Variants in PCDH19 observed in about 807,000 individuals in gnomAD.
The protein encoded by PCDH19 is protocadherin-19.
In PCDH19, 6 loss-of-function variants were observed where a neutral mutation model predicts 46.2. The observed-to-expected ratio is 0.13, with a 90% confidence interval of 0.07 to 0.26. The LOEUF is 0.26. Among genes scored for constraint, PCDH19 ranks in the 10% least tolerant of loss-of-function variants. The pLI, the probability that PCDH19 is intolerant of heterozygous loss-of-function variation, is 1.00. For missense variants in PCDH19, 740 were observed against 972.3 expected, an observed-to-expected ratio of 0.76 and a Z score of 3.18; for synonymous variants, 481 against 415.7, an observed-to-expected ratio of 1.16 and a Z score of -1.91.
At chrX:100,320,724 G>T (rs1040829975) in intron 5 of PCDH19, among the ~76,000 whole-genome samples, 1 of 108,927 alleles carries the variant, frequency 9.2e-6, no homozygotes, top group Non-Finnish European at 1.9e-5. Context: ...AAGAAAAAAA[G>T]AAGCTAAAAA....
chrX:100,354,687 C>T (rs763176536), intron 3 of PCDH19, among the ~76,000 whole-genome samples: 1 of 106,348 alleles, frequency 9.4e-6, no homozygotes, highest in African/African-American at 3.4e-5. Context: ...AATACAAGAG[C>T]TTTTTTTTTT....
intron 5 of PCDH19, among the ~76,000 whole-genome samples, chrX:100,307,369 C>A (rs1265082303): frequency 1.8e-5 from 2 of 111,584 alleles, no homozygotes; most frequent in East Asian, 5.6e-4. Flanking sequence ...AAACCCTCAG[C>A]AAAATCAGCA....
chrX:100,362,409 T>C (rs1314830708), intron 3 of PCDH19, among the ~76,000 whole-genome samples: 2 of 110,876 alleles, frequency 1.8e-5, no homozygotes, highest in Non-Finnish European at 3.8e-5. Context: ...GTATATTATA[T>C]ATAATTTTTG....
chrX:100,407,939 C>A lies in PCDH19; in HGVS notation c.659G>T (p.Gly220Val). Reference sequence around the variant, plus strand: ...CACCTTGATACTAAGGCCAACGGTGCCCAGGCGCGGCGGGTCGCCACCGTC... The same window carrying A: ...CACCTTGATACTAAGGCCAACGGTGACCAGGCGCGGCGGGTCGCCACCGTC... Reference protein sequence around the residue: ...ALDGGDPPRLGTVGLSIKVTD... With the variant: ...ALDGGDPPRLVTVGLSIKVTD... The change falls in exon 1 of 6, where the codon GGC (glycine) becomes GTC (valine). Residue 220 changes from glycine (G) to valine (V), a missense_variant. Gly to Val is a moderately radical substitution (Grantham distance 109). Coordinates refer to ENST00000373034, the MANE Select transcript of PCDH19 (RefSeq NM_001184880.2). 6.6e-6 allele frequency: 8 copies of A among 1,210,915 alleles called. No homozygotes were observed. Among genetic ancestry groups the A allele is most frequent in the Non-Finnish European group, 7.8e-6 (7 of 895,647 alleles).
intron 4 of PCDH19, among the ~76,000 whole-genome samples, chrX:100,342,492 A>T (rs1042440377): frequency 1.8e-5 from 2 of 112,214 alleles, no homozygotes; most frequent in African/African-American, 6.5e-5. Context: ...AACTGTTGAA[A>T]TCATCACAAC....
intron 5 of PCDH19, among the ~76,000 whole-genome samples, chrX:100,317,242 G>A (rs917351833): frequency 4.5e-5 from 5 of 111,781 alleles, no homozygotes. Context: ...CCCATTAGAC[G>A]ATACTTAAGT....
chrX:100,308,510 A>G (rs1294744157), intron 5 of PCDH19, among the ~76,000 whole-genome samples: 4 of 111,894 alleles, frequency 3.6e-5, no homozygotes, highest in African/African-American at 1.3e-4. Flanking sequence ...AAAAGCAAAC[A>G]CAGCAAAAAC....
Position 100,406,665 on chromosome X carries a change from G to A in PCDH19, c.1933C>T (p.His645Tyr), listed in dbSNP as rs1357059840. The A allele has an allele frequency of 3.3e-6, 4 of 1,211,358 alleles. No individual in the cohort carries two copies. Among genetic ancestry groups the A allele is most frequent in the Non-Finnish European group, 4.5e-6 (4 of 895,166 alleles). ...KSSYELIVVA[H>Y]DHGKTSLSAS... ...GAGAGAGATGTCTTGCCGTGGTCGT[G>A]AGCCACCACGATAAGCTCATAGGAG... is the stretch of plus-strand genomic sequence containing the variant. The change falls in exon 1 of 6, where the codon CAC (histidine) becomes TAC (tyrosine). Residue 645 changes from histidine (H) to tyrosine (Y), a missense_variant. Physicochemically the swap from His to Tyr is moderately conservative, Grantham distance 83. Coordinates refer to ENST00000373034, the MANE Select transcript of PCDH19 (RefSeq NM_001184880.2).
intron 5 of PCDH19, among the ~76,000 whole-genome samples, chrX:100,338,178 T>C (rs1442528470): frequency 9.2e-6 from 1 of 108,403 alleles, no homozygotes; most frequent in African/African-American, 3.4e-5. Flanking sequence ...CCGTCTCTAC[T>C]AAAAATACAA....
In PCDH19 at chrX:100,402,543, T is replaced by C. The variant is rs1471381848; in HGVS notation, c.2597A>G (p.Asn866Ser). 1 of 1,211,027 alleles carries C rather than the reference T, an allele frequency of 8.3e-7. No individual in the cohort carries two copies. The highest frequency in any genetic ancestry group is 2.2e-5 in the Admixed American group (1 of 46,062). The change falls in exon 3 of 6, where the codon AAC (asparagine) becomes AGC (serine). Residue 866 changes from asparagine (N) to serine (S), a missense_variant. Transcript: ENST00000373034. ...ACTCACCTCAGGCAGAGGCACACCG[T>C]TGATAATCAGGTCAGGCTGCTGGGG... ...QGPQQPDLII[N>S]GVPLPETENY...
At chrX:100,389,500 T>C (rs1407731169) in intron 3 of PCDH19, among the ~76,000 whole-genome samples, 1 of 110,822 alleles carries the variant, frequency 9.0e-6, no homozygotes, top group African/African-American at 3.3e-5. Flanking sequence ...AATACTGTAT[T>C]GTATTCCTGA....
At chrX:100,311,289 G>T (rs1366341562) in intron 5 of PCDH19, among the ~76,000 whole-genome samples, 1 of 111,655 alleles carries the variant, frequency 9.0e-6, no homozygotes, top group Non-Finnish European at 1.9e-5. Flanking sequence ...GAGCTTCTAG[G>T]AGAATACATA....
At chrX:100,349,067 G>A (rs779123899) in intron 4 of PCDH19, among the ~76,000 whole-genome samples, 8 of 110,926 alleles carry the variant, frequency 7.2e-5, no homozygotes, top group Non-Finnish European at 1.3e-4. Flanking sequence ...GAGCCACTGC[G>A]CCCAGCATCA....
Position 100,402,618 on chromosome X carries a change from C to G in PCDH19, c.2522G>C (p.Arg841Pro). The change falls in exon 3 of 6, where the codon CGC (arginine) becomes CCC (proline). Residue 841 changes from arginine (R) to proline (P), a missense_variant. Around this residue, in one of 5 missense-constraint regions of PCDH19, gnomAD observed 416 missense variants for 476.8 expected, o/e 0.87. Coordinates refer to ENST00000373034, the MANE Select transcript of PCDH19 (RefSeq NM_001184880.2). The stretch of plus-strand genomic sequence containing the variant: ...GTAGATGTGGTTAGCACTGGTGTTG[C>G]GGGTATTCTGGTTCTCCACATTCAG... ...TFLNVENQNT[R>P]NTSANHIYHH... The G allele has an allele frequency of 1.7e-6, 2 of 1,211,209 alleles. No homozygotes were observed. The highest frequency in any genetic ancestry group is 2.2e-6 in the Non-Finnish European group (2 of 895,140).
chrX:100,363,856 C>CATGT lies in PCDH19; in HGVS notation c.2617-13153_2617-13152insACAT, dbSNP rs57620335. ...AGACACTTTAGGTAGAATGTGCGTGCGTGTGTGTGTGTGTGTGTGTGTGTG... is the reference window on the plus strand; with the variant it reads ...AGACACTTTAGGTAGAATGTGCGTGCATGTGTGTGTGTGTGTGTGTGTGTGTGTG... On this transcript the variant is annotated intron_variant, in intron 3 of 5. Transcript: ENST00000373034. Among the ~76,000 whole-genome samples the CATGT allele has an allele frequency of 3.7e-3, 331 of 88,955 alleles. 5 individuals carry two copies. Among genetic ancestry groups the CATGT allele is most frequent in the African/African-American group, 0.014 (310 of 22,878 alleles). 77.2% of individuals were successfully genotyped at this position (88,955 alleles called of 115,157 possible).
At chrX:100,337,699 G>A (rs1353804395) in intron 5 of PCDH19, among the ~76,000 whole-genome samples, 2 of 111,567 alleles carry the variant, frequency 1.8e-5, no homozygotes, top group Non-Finnish European at 3.8e-5. Flanking sequence ...TGTCTGGTTG[G>A]ACAATCAAAC....
intron 5 of PCDH19, among the ~76,000 whole-genome samples, chrX:100,304,597 T>A (rs1924881446): frequency 9.0e-6 from 1 of 111,098 alleles, no homozygotes. Context: ...AGAAAAAAAA[T>A]TCAGAAGGTC....
chrX:100,322,833 G>GTGTATA (rs1322393906), intron 5 of PCDH19, among the ~76,000 whole-genome samples: 29 of 48,785 alleles, frequency 5.9e-4, no homozygotes, highest in South Asian at 2.4e-3. Context: ...ATATTCCTAA[G>GTGTATA]TATATATATA....
chrX:100,330,605 T>G (rs929921251), intron 5 of PCDH19, among the ~76,000 whole-genome samples: 3 of 112,320 alleles, frequency 2.7e-5, no homozygotes, highest in Non-Finnish European at 3.8e-5. Flanking sequence ...CAGATTACAG[T>G]TGCAGTCCTG....
Sources: gnomAD v4.1 joint callset for allele counts (sites outside exome capture counted in the v4.1 genomes callset) on GRCh38, gnomAD v4.1.1 for gene constraint, gnomAD v4.1.1 regional missense constraint, MANE v1.5 for transcripts, NCBI Gene and HGNC (gene_info 2026-07-23, HGNC 2026-07-21) for gene names.